The following SIPA1L1 variants were observed in gnomAD, a reference collection of about 807,000 sequenced individuals.
The protein encoded by SIPA1L1 is signal induced proliferation associated 1 like 1.
A neutral mutation model predicts 162.7 loss-of-function variants in SIPA1L1; 26 were observed. The ratio of observed to expected loss-of-function variants is 0.16; its 90% CI spans 0.12 to 0.22. The LOEUF (loss-of-function observed/expected upper bound fraction) is 0.22. Ranked by LOEUF, SIPA1L1 falls within the 10% of genes least tolerant of loss-of-function variation. SIPA1L1 has a pLI of 1.00. For synonymous variants in SIPA1L1, 829 were observed against 837.4 expected (o/e 0.99, Z 0.17); for missense variants, 1,874 against 2,241.0 (o/e 0.84, Z 3.31).
intron 2 of SIPA1L1, among the ~76,000 whole-genome samples, chr14:71,456,228 C>T (rs1240881386): frequency 6.6e-6 from 1 of 152,040 alleles, no homozygotes; most frequent in Admixed American, 6.6e-5. Context: ...CAAAAGCAGC[C>T]ACGGTAAAAA....
chr14:71,452,985 T>C (rs977946880), intron 2 of SIPA1L1, among the ~76,000 whole-genome samples: 2 of 152,222 alleles, frequency 1.3e-5, no homozygotes, highest in South Asian at 4.1e-4. Context: ...TTTATGGTAA[T>C]CACTAATAGA....
intron 5 of SIPA1L1, among the ~76,000 whole-genome samples, chr14:71,605,518 T>C (rs560780043): frequency 4.1e-4 from 62 of 152,326 alleles, no homozygotes; most frequent in African/African-American, 1.4e-3. Context: ...GTTTTTTGAG[T>C]TTACTTTCAT....
chr14:71,394,851 T>C (rs1032288525), intron 2 of SIPA1L1, among the ~76,000 whole-genome samples: 1 of 152,354 alleles, frequency 6.6e-6, no homozygotes, highest in East Asian at 1.9e-4. Flanking sequence ...AAATAATTTG[T>C]GTGATTCGTT....
intron 2 of SIPA1L1, among the ~76,000 whole-genome samples, chr14:71,471,539 C>T (rs1181504387): frequency 2.0e-5 from 3 of 152,150 alleles, no homozygotes; most frequent in African/African-American, 4.8e-5. Context: ...GGCACATCCT[C>T]GAACAAGACA....
chr14:71,701,510 C>G (rs2082101601), intron 14 of SIPA1L1, among the ~76,000 whole-genome samples: 1 of 152,132 alleles, frequency 6.6e-6, no homozygotes, highest in South Asian at 2.1e-4. Context: ...GCCACTGCTC[C>G]TGGCCCCTAT....
At chr14:71,398,834 G>A (rs1407782744) in intron 2 of SIPA1L1, among the ~76,000 whole-genome samples, 1 of 152,120 alleles carries the variant, frequency 6.6e-6, no homozygotes, top group African/African-American at 2.4e-5. Context: ...CTTTCTCTGT[G>A]AATTAGGTTG....
chr14:71,346,405 T>C (rs1396246105), intron 2 of SIPA1L1, among the ~76,000 whole-genome samples: 1 of 152,202 alleles, frequency 6.6e-6, no homozygotes, highest in Non-Finnish European at 1.5e-5. Flanking sequence ...AAACTGGCTA[T>C]TTTATTCTGG....
At chr14:71,541,583 G>T (rs1177237337) in intron 4 of SIPA1L1, among the ~76,000 whole-genome samples, 5 of 152,112 alleles carry the variant, frequency 3.3e-5, no homozygotes, top group Admixed American at 2.6e-4. Flanking sequence ...GTAACATAGT[G>T]AGACCCTATC....
chr14:71,447,066 C>T (rs2045461135), intron 2 of SIPA1L1, among the ~76,000 whole-genome samples: 1 of 151,296 alleles, frequency 6.6e-6, no homozygotes, highest in Non-Finnish European at 1.5e-5. Context: ...CATGCACCAC[C>T]ATGCTCAGCT....
chr14:71,576,741 G>C (rs1469304708), intron 4 of SIPA1L1, among the ~76,000 whole-genome samples: 5 of 152,168 alleles, frequency 3.3e-5, no homozygotes, highest in African/African-American at 1.2e-4. Context: ...TTTGTGGGCA[G>C]GTGCCAGTTA....
intron 4 of SIPA1L1, among the ~76,000 whole-genome samples, chr14:71,545,236 T>TA (rs1039274187): frequency 6.6e-6 from 1 of 152,136 alleles, no homozygotes; most frequent in Non-Finnish European, 1.5e-5. Flanking sequence ...CATTTGTCAT[T>TA]AAAAAAATAA....
At chr14:71,531,562 G>C (rs1284396519) in intron 4 of SIPA1L1, among the ~76,000 whole-genome samples, 2 of 151,792 alleles carry the variant, frequency 1.3e-5, no homozygotes, top group African/African-American at 4.8e-5. Context: ...TTTTGCTTTT[G>C]TTTTTGTTGT....
intron 2 of SIPA1L1, among the ~76,000 whole-genome samples, chr14:71,504,326 C>T (rs991947522): frequency 2.0e-5 from 3 of 152,064 alleles, no homozygotes; most frequent in African/African-American, 7.2e-5. Context: ...CATGAATAAA[C>T]GTTACTGAAT....
At chr14:71,529,888 A>G (rs2053264116) in intron 4 of SIPA1L1, among the ~76,000 whole-genome samples, 1 of 152,200 alleles carries the variant, frequency 6.6e-6, no homozygotes, top group African/African-American at 2.4e-5. Context: ...TCTCATGGTT[A>G]GGACAGAGCT....
intron 2 of SIPA1L1, among the ~76,000 whole-genome samples, chr14:71,495,358 C>A (rs1160642297): frequency 6.6e-6 from 1 of 151,670 alleles, no homozygotes; most frequent in Non-Finnish European, 1.5e-5. Context: ...ATTTATGTCT[C>A]TCTAGGAATT....
chr14:71,597,418 A>ATTTTTCTTG (rs1220769270), intron 5 of SIPA1L1, among the ~76,000 whole-genome samples: 5 of 149,762 alleles, frequency 3.3e-5, no homozygotes, highest in African/African-American at 1.2e-4. Flanking sequence ...TACTTTTCTT[A>ATTTTTCTTG]TTTTTCTTGT....
chr14:71,519,091 T>A (rs902112442), intron 3 of SIPA1L1, among the ~76,000 whole-genome samples: 1 of 152,098 alleles, frequency 6.6e-6, no homozygotes, highest in Non-Finnish European at 1.5e-5. Flanking sequence ...AAGTTGAGAT[T>A]TCAGTGGGGA....
At chr14:71,469,081 C>T (rs1034044353) in intron 2 of SIPA1L1, among the ~76,000 whole-genome samples, 1 of 151,780 alleles carries the variant, frequency 6.6e-6, no homozygotes, top group African/African-American at 2.4e-5. Context: ...GTCTGGAATG[C>T]TCTCTTCTTA....
chr14:71,501,402 T>C (rs1239116213), intron 2 of SIPA1L1, among the ~76,000 whole-genome samples: 1 of 152,170 alleles, frequency 6.6e-6, no homozygotes, highest in Non-Finnish European at 1.5e-5. Context: ...TTGCTTTCCA[T>C]AGCAACAAAG....
Sources: gnomAD v4.1 joint callset for allele counts (sites outside exome capture counted in the v4.1 genomes callset) on GRCh38, gnomAD v4.1.1 for gene constraint, MANE v1.5 for transcripts, NCBI Gene and HGNC (gene_info 2026-07-23, HGNC 2026-07-21) for gene names.